Variants in PCDHGB2 observed in about 807,000 individuals in gnomAD.
PCDHGB2 encodes protocadherin gamma subfamily B, 2.
PCDHGB2 carries 55 observed loss-of-function variants against 59.3 expected under a neutral mutation model. The ratio of observed to expected loss-of-function variants is 0.93; its 90% CI spans 0.75 to 1.16. PCDHGB2 has a LOEUF of 1.16. PCDHGB2 is among the 50% of genes most tolerant of loss of function. PCDHGB2 has a pLI of 0.00. For synonymous variants in PCDHGB2, 516 were observed against 512.0 expected (o/e 1.01, Z -0.11); for missense variants, 1,228 against 1,198.5 (o/e 1.02, Z -0.36).
chr5:141,421,829 T>C, intron 1 of PCDHGB2: 1 of 1,613,784 alleles, frequency 6.2e-7, no homozygotes, highest in Non-Finnish European at 8.5e-7. Flanking sequence ...GAGGGAAGCC[T>C]GGACCGAGAG....
rs781267293 is a variant in PCDHGB2 at position 141,489,926 on chromosome 5, C to T, written c.2422-4881C>T. 1.2e-6 allele frequency: 2 copies of T among 1,614,222 alleles called. No individual in the cohort carries two copies. The highest frequency in any genetic ancestry group is 2.2e-5 in the East Asian group (1 of 44,878). On this transcript the variant is annotated intron_variant, in intron 1 of 3. Coordinates refer to ENST00000522605, the MANE Select transcript of PCDHGB2 (RefSeq NM_018923.3). The surrounding 1 kb of genome is among the most constrained non-coding windows in gnomAD (Gnocchi z 4.5). Reference sequence around the variant, plus strand: ...GCCCGCTCAGGGACCACCCTTATCTCTGTCATCGTGCTGGACATCAATGAT... The same window carrying T: ...GCCCGCTCAGGGACCACCCTTATCTTTGTCATCGTGCTGGACATCAATGAT...
intron 1 of PCDHGB2, among the ~76,000 whole-genome samples, chr5:141,402,436 A>G (rs1441746239): frequency 2.6e-5 from 4 of 152,178 alleles, no homozygotes; most frequent in African/African-American, 9.6e-5. Flanking sequence ...GCATCATAAA[A>G]AGGAAATTAT....
At chr5:141,391,495 A>G (rs962883294) in intron 1 of PCDHGB2, 2 of 152,136 alleles carry the variant, frequency 1.3e-5, no homozygotes, top group Non-Finnish European at 2.9e-5. Context: ...TGTTTTCAGT[A>G]GAGAAAATAT....
At chr5:141,502,019 G>A (rs1454981730) in intron 2 of PCDHGB2, among the ~76,000 whole-genome samples, 1 of 152,008 alleles carries the variant, frequency 6.6e-6, no homozygotes, top group African/African-American at 2.4e-5. Flanking sequence ...TCTCCTCCCT[G>A]CAACCCCCGC....
In PCDHGB2 at chr5:141,361,215, G is replaced by C; in HGVS notation, c.1080G>C (p.Ser360=). ...TSVSTPLPED[S]PPGTVIALIK... Reference sequence around the variant, plus strand: ...TATCTACTCCCCTACCGGAGGATTCGCCACCAGGAACAGTGATCGCCTTGA... The same window carrying C: ...TATCTACTCCCCTACCGGAGGATTCCCCACCAGGAACAGTGATCGCCTTGA... The change falls in exon 1 of 4, where the codon TCG becomes TCC. Residue 360 remains serine (S), a synonymous_variant. Transcript: ENST00000522605. 6.2e-7 allele frequency: 1 copy of C among 1,613,962 alleles called. No homozygotes were observed.
chr5:141,394,701 C>G lies in PCDHGB2; in HGVS notation c.2421+32145C>G, dbSNP rs375281416. 1.9e-6 allele frequency: 3 copies of G among 1,613,162 alleles called. No homozygotes were observed. Among genetic ancestry groups the G allele is most frequent in the Non-Finnish European group, 2.5e-6 (3 of 1,179,880 alleles). ...GCACACGGGCGAGGTGCGCACGGCG[C>G]GAGCCCTGCTGGACAGAGATGCGCT... is the stretch of plus-strand genomic sequence containing the variant. On this transcript the variant is annotated intron_variant, in intron 1 of 3. Transcript: ENST00000522605.
intron 1 of PCDHGB2, chr5:141,409,822 C>A (rs983633484): frequency 6.2e-6 from 10 of 1,610,868 alleles, no homozygotes; most frequent in Non-Finnish European, 6.8e-6. Flanking sequence ...ACGGCTCGCC[C>A]ACGCTCAGCG....
chr5:141,360,109 G>A lies in PCDHGB2; in HGVS notation c.-27G>A, dbSNP rs1218338018. 6.4e-7 allele frequency: 1 copy of A among 1,561,628 alleles called. No homozygotes were observed. The highest frequency in any genetic ancestry group is 1.4e-5 in the African/African-American group (1 of 73,504). ...TCCCCGGAAGGCTTATTCCTCCTATGGGCAAAGGAGCAAAGGGAGCCAGAA... is the reference window on the plus strand; with the variant it reads ...TCCCCGGAAGGCTTATTCCTCCTATAGGCAAAGGAGCAAAGGGAGCCAGAA... On this transcript the variant is annotated 5_prime_UTR_variant, in exon 1 of 4. The change abolishes an upstream ATG in the 5' untranslated region. Coordinates refer to ENST00000522605, the MANE Select transcript of PCDHGB2 (RefSeq NM_018923.3).
chr5:141,494,782 C>T, intron 1 of PCDHGB2, 25 bp from the exon 2 acceptor site: 1 of 1,614,110 alleles, frequency 6.2e-7, no homozygotes. Context: ...GGTACTCAGC[C>T]CCTTTCCCTC....
At chr5:141,364,366 G>T (rs755664508) in intron 1 of PCDHGB2, 1 of 1,563,758 alleles carries the variant, frequency 6.4e-7, no homozygotes, top group Non-Finnish European at 8.6e-7. Flanking sequence ...GCTGCGGAGA[G>T]CTGCTGCTGC....
At chr5:141,409,954 C>T (rs774233531) in intron 1 of PCDHGB2, 3 of 1,613,356 alleles carry the variant, frequency 1.9e-6, no homozygotes, top group South Asian at 1.1e-5. Flanking sequence ...CTGCAGAGCC[C>T]GGCTACCTAG....
chr5:141,393,805 C>T (rs1266380650), intron 1 of PCDHGB2: 3 of 1,613,914 alleles, frequency 1.9e-6, no homozygotes, highest in South Asian at 1.1e-5. Flanking sequence ...CTGGGGAGGA[C>T]CAAATTGCTC....
At chr5:141,384,897 C>T in intron 1 of PCDHGB2, 4 of 1,613,922 alleles carry the variant, frequency 2.5e-6, no homozygotes, top group Non-Finnish European at 3.4e-6. Context: ...CTGTGGCTGA[C>T]AGCATCCCCG....
rs768704302 is a variant in PCDHGB2 at position 141,383,259 on chromosome 5, C to A, written c.2421+20703C>A. On this transcript the variant is annotated intron_variant, in intron 1 of 3. Coordinates refer to ENST00000522605, the MANE Select transcript of PCDHGB2 (RefSeq NM_018923.3). ...ATAAAATGAATCTTTACCCTATAGA[C>A]GTGGAAATAATAGATATTAATGACA... The A allele has an allele frequency of 5.6e-6, 9 of 1,613,810 alleles. No individual in the cohort carries two copies. In the South Asian group the frequency reaches 6.6e-5, roughly 12 times the overall value.
intron 1 of PCDHGB2, chr5:141,384,152 A>G: frequency 2.5e-6 from 4 of 1,613,508 alleles, no homozygotes; most frequent in Non-Finnish European, 3.4e-6. Flanking sequence ...CTCTCTTTGT[A>G]TAACATCACA....
chr5:141,393,492 C>T (rs778632774), intron 1 of PCDHGB2: 11 of 1,613,922 alleles, frequency 6.8e-6, no homozygotes, highest in African/African-American at 1.3e-5. Flanking sequence ...TAGCACAGTG[C>T]GCATCCACGT....
At chr5:141,450,006 CTT>C (rs1554136305) in intron 1 of PCDHGB2, among the ~76,000 whole-genome samples, 13 of 132,938 alleles carry the variant, frequency 9.8e-5, no homozygotes, top group Non-Finnish European at 7.9e-5. Flanking sequence ...TGCCATGTCT[CTT>C]TTTTTTTTTT....
chr5:141,415,506 C>G, intron 1 of PCDHGB2: 1 of 1,614,148 alleles, frequency 6.2e-7, no homozygotes, highest in Non-Finnish European at 8.5e-7. Flanking sequence ...TCCCCCAGCC[C>G]AATTATGCGG....
intron 1 of PCDHGB2, chr5:141,389,952 C>T (rs2091983675): frequency 3.1e-6 from 5 of 1,613,946 alleles, no homozygotes; most frequent in Non-Finnish European, 4.2e-6. Context: ...GCAGTTTTAC[C>T]TAGTGGTGGC....
Sources: gnomAD v4.1 joint callset for allele counts (sites outside exome capture counted in the v4.1 genomes callset) on GRCh38, gnomAD v4.1.1 for gene constraint, Gnocchi (gnomAD v3.1) non-coding constraint, MANE v1.5 for transcripts, NCBI Gene and HGNC (gene_info 2026-07-23, HGNC 2026-07-21) for gene names.